The following C18orf63 variants were observed in gnomAD, a reference collection of about 807,000 sequenced individuals.
C18orf63 encodes the protein uncharacterized protein C18orf63.
A neutral mutation model predicts 75.3 loss-of-function variants in C18orf63; 50 were observed. The ratio of observed to expected loss-of-function variants is 0.66; its 90% CI spans 0.53 to 0.84. C18orf63 has a LOEUF of 0.84. Among genes scored for constraint, C18orf63 ranks in the 40% least tolerant of loss-of-function variants. The pLI is 0.00. For synonymous variants in C18orf63, 232 were observed against 267.6 expected, an observed-to-expected ratio of 0.87 and a Z score of 1.30; for missense variants, 732 against 800.2, an observed-to-expected ratio of 0.91 and a Z score of 1.03.
intron 2 of C18orf63, among the ~76,000 whole-genome samples, chr18:74,319,437 T>A (rs182229039): frequency 8.5e-6 from 1 of 118,188 alleles, no homozygotes; most frequent in African/African-American, 2.6e-5. Context: ...AATGGTTATT[T>A]TAATTTGTTT....
At chr18:74,325,799 T>C (rs1984197699) in intron 4 of C18orf63, among the ~76,000 whole-genome samples, 1 of 152,194 alleles carries the variant, frequency 6.6e-6, no homozygotes, top group African/African-American at 2.4e-5. Context: ...TTCCCTGCAA[T>C]GGGAGTCACT....
At chr18:74,344,059 G>T (rs553919106) in intron 11 of C18orf63, among the ~76,000 whole-genome samples, 7 of 152,184 alleles carry the variant, frequency 4.6e-5, no homozygotes, top group African/African-American at 1.4e-4. Context: ...TAAGATGCCT[G>T]CCCCTCACCA....
intron 2 of C18orf63, among the ~76,000 whole-genome samples, chr18:74,318,566 G>A (rs1293196916): frequency 3.3e-5 from 5 of 152,020 alleles, no homozygotes; most frequent in Non-Finnish European, 4.4e-5. Flanking sequence ...CAAGGTGAGC[G>A]GATCACGAGG....
chr18:74,328,178 A>C, intron 5 of C18orf63, 120 bp downstream of exon 5: 1 of 636,322 alleles, frequency 1.6e-6, no homozygotes, highest in Non-Finnish European at 2.7e-6. Flanking sequence ...TTTATAAAGG[A>C]AAGGTTTAGT....
At chr18:74,317,460 G>C (rs756265065) in intron 1 of C18orf63, among the ~76,000 whole-genome samples, 2 of 152,104 alleles carry the variant, frequency 1.3e-5, no homozygotes, top group Non-Finnish European at 2.9e-5. Flanking sequence ...AACAACAAAA[G>C]ACTTTGCTAT....
In C18orf63 at chr18:74,354,118, T is replaced by A; in HGVS notation, c.1851T>A (p.Ala617=). The A allele has an allele frequency of 6.5e-7, 1 of 1,536,178 alleles. No homozygotes were observed. The highest frequency in any genetic ancestry group is 1.7e-4 in the Middle Eastern group (1 of 5,990). Residue 617 remains alanine (A), a synonymous_variant, in exon 12 of 14, where the codon GCT becomes GCA. Coordinates refer to ENST00000579455, the MANE Select transcript of C18orf63 (RefSeq NM_001174123.2). The part of the protein sequence containing the change: ...RLLQQQSENQ[A]KEVGTSDHRL... ...TACAGCAGCAATCAGAAAATCAAGC[T>A]AAAGAAGTTGGTACAAGTGACCACA...
Position 74,353,662 on chromosome 18 carries a change from A to G in C18orf63, c.1395A>G (p.Gln465=), listed in dbSNP as rs1395629796. ...AAAGAAAACAGCATGATGTGACACA[A>G]TCTAAATTGTTTTCACTCAAAACTA... ...SPKRKQHDVT[Q]SKLFSLKTSM... Residue 465 remains glutamine, a synonymous_variant, in exon 12 of 14, where the codon CAA becomes CAG. Coordinates refer to ENST00000579455, the MANE Select transcript of C18orf63 (RefSeq NM_001174123.2). The G allele has an allele frequency of 5.9e-6, 9 of 1,536,024 alleles. No individual in the cohort carries two copies. Among genetic ancestry groups the G allele is most frequent in the Non-Finnish European group, 3.5e-6 (4 of 1,146,888 alleles).
chr18:74,342,315 A>G lies in C18orf63; in HGVS notation c.783A>G (p.Glu261=). 1 of 1,525,598 alleles carries G rather than the reference A, an allele frequency of 6.6e-7. No individual in the cohort carries two copies. The highest frequency in any genetic ancestry group is 8.8e-7 in the Non-Finnish European group (1 of 1,138,842). 94.5% of individuals were successfully genotyped at this position (1,525,598 alleles called of 1,614,324 possible). A position where few individuals can be genotyped will look rare whatever the true frequency, so the allele number is the denominator to read the frequency against. ...YCNIYFKMLG[E]RTFTYPLSCI... ...ACATCTATTTCAAAATGCTCGGAGA[A>G]AGGACCTTCACATATCCTTTACACA... is the stretch of plus-strand genomic sequence containing the variant. The change falls in exon 10 of 14, where the codon GAA becomes GAG. Residue 261 remains glutamate (E), a synonymous_variant. Transcript: ENST00000579455.
Position 74,334,891 on chromosome 18 carries a change from G to C in C18orf63, c.502-3824G>C, listed in dbSNP as rs1984366638. On this transcript the variant is annotated intron_variant, in intron 7 of 13. Transcript: ENST00000579455. The stretch of plus-strand genomic sequence containing the variant: ...TCTCCAAGTAGCCAGACTATGAATT[G>C]TTTCTCAAAGATAGTATGGTCTTTC... Among the ~76,000 whole-genome samples, 5 of 152,194 alleles carry C rather than the reference G, an allele frequency of 3.3e-5. No homozygotes were observed. In the South Asian group the frequency reaches 1.0e-3, roughly 32 times the overall value.
chr18:74,326,675 T>A (rs892999555), intron 4 of C18orf63, among the ~76,000 whole-genome samples: 1 of 152,216 alleles, frequency 6.6e-6, no homozygotes, highest in Admixed American at 6.5e-5. Context: ...ATCTTGTTCA[T>A]TTCCCATCTT....
intron 3 of C18orf63, among the ~76,000 whole-genome samples, chr18:74,321,594 C>T (rs551629708): frequency 3.9e-5 from 6 of 152,146 alleles, no homozygotes; most frequent in South Asian, 2.1e-4. Flanking sequence ...CTTGAGCCAC[C>T]GTGCCCAGCC....
rs1984705903 is a variant in C18orf63, at chr18:74,353,515, A to C, written c.1248A>C (p.Gly416=). The change falls in exon 12 of 14, where the codon GGA becomes GGC. Residue 416 remains glycine, a synonymous_variant. Coordinates refer to ENST00000579455, the MANE Select transcript of C18orf63 (RefSeq NM_001174123.2). The stretch of plus-strand genomic sequence containing the variant: ...CAGAAGTATTAATGCCCAACAGAGG[A>C]AATACTCAAGTTCAGCACACAAATC... ...VHSEVLMPNR[G]NTQVQHTNLS... is the part of the protein sequence containing the mutation. 6.5e-7 allele frequency: 1 copy of C among 1,536,508 alleles called. No individual in the cohort carries two copies. Among genetic ancestry groups the C allele is most frequent in the African/African-American group, 1.4e-5 (1 of 73,034 alleles).
chr18:74,346,085 C>T (rs1311492480), intron 11 of C18orf63, among the ~76,000 whole-genome samples: 3 of 151,896 alleles, frequency 2.0e-5, no homozygotes, highest in African/African-American at 7.3e-5. Flanking sequence ...TTTAATTTAT[C>T]TCAATAATAG....
At position 74,329,024 on chromosome 18, in the gene C18orf63, C is replaced by A; in HGVS notation, c.412C>A (p.Gln138Lys). Residue 138 changes from glutamine to lysine, a missense_variant, in exon 6 of 14, where the codon CAA becomes AAA. Gln to Lys is a moderately conservative substitution (Grantham distance 53, BLOSUM62 1). Transcript: ENST00000579455. ...GRDFLSQMGKQSAVVLNINVT... is the reference protein window; with the variant it reads ...GRDFLSQMGKKSAVVLNINVT... ...AGATTTTCTTTCTCAGATGGGAAAA[C>A]AAAGTGCTGTTGGTAAGTAAAAATG... 1 of 1,505,434 alleles carries A rather than the reference C, an allele frequency of 6.6e-7. No individual in the cohort carries two copies. The highest frequency in any genetic ancestry group is 8.9e-7 in the Non-Finnish European group (1 of 1,119,412). The allele number at this position is 1,505,434 out of a possible 1,614,324, so 93.3% of individuals were successfully genotyped here.
intron 3 of C18orf63, 24 bp from the exon 4 acceptor site, chr18:74,322,674 T>C (rs10164170): frequency 0.55 from 533,414 of 975,392 alleles, 148,974 homozygotes; most frequent in Middle Eastern, 0.59. Context: ...AAGTCCTTTT[T>C]ATAAATGTGG....
chr18:74,354,095 C>G lies in C18orf63; in HGVS notation c.1828C>G (p.Gln610Glu), dbSNP rs1984721385. 6.5e-7 allele frequency: 1 copy of G among 1,536,282 alleles called. No individual in the cohort carries two copies. Among genetic ancestry groups the G allele is most frequent in the Non-Finnish European group, 8.7e-7 (1 of 1,146,948 alleles). Residue 610 changes from glutamine (Q) to glutamate (E), a missense_variant, in exon 12 of 14, where the codon CAG becomes GAG. Around this residue, in one of 3 missense-constraint regions of C18orf63, gnomAD observed 495 missense variants for 508.7 expected, o/e 0.97. Coordinates refer to ENST00000579455, the MANE Select transcript of C18orf63 (RefSeq NM_001174123.2). ...AGAAACCGAAGATCCACGACTGCTA[C>G]AGCAGCAATCAGAAAATCAAGCTAA... ...DGETEDPRLLQQQSENQAKEV... is the reference protein window; with the variant it reads ...DGETEDPRLLEQQSENQAKEV...
chr18:74,344,987 ATC>A (rs751812317), intron 11 of C18orf63, among the ~76,000 whole-genome samples: 1 of 152,034 alleles, frequency 6.6e-6, no homozygotes, highest in Non-Finnish European at 1.5e-5. Flanking sequence ...TCCCTAACCA[ATC>A]TGTATTCCCC....
intron 11 of C18orf63, among the ~76,000 whole-genome samples, chr18:74,350,350 A>T (rs1045795655): frequency 4.6e-5 from 7 of 152,166 alleles, no homozygotes; most frequent in African/African-American, 1.7e-4. Context: ...GTTCCTTAGG[A>T]TGTGACCTTA....
chr18:74,330,103 C>G (rs1984279864), intron 6 of C18orf63, among the ~76,000 whole-genome samples: 5 of 152,188 alleles, frequency 3.3e-5, no homozygotes, highest in Non-Finnish European at 5.9e-5. Flanking sequence ...CATCTCCAAA[C>G]ACTGTCATGA....
Sources: gnomAD v4.1 joint callset for allele counts (sites outside exome capture counted in the v4.1 genomes callset) on GRCh38, gnomAD v4.1.1 for gene constraint, gnomAD v4.1.1 regional missense constraint, MANE v1.5 for transcripts, NCBI Gene and HGNC (gene_info 2026-07-23, HGNC 2026-07-21) for gene names.